The following PKIA variants were observed in gnomAD, a reference collection of about 807,000 sequenced individuals.
PKIA encodes the protein PKI-alpha.
PKIA carries 4 observed loss-of-function variants against 7.6 expected under a neutral mutation model. The ratio of observed to expected loss-of-function variants is 0.52; its 90% CI spans 0.26 to 1.20. The LOEUF (loss-of-function observed/expected upper bound fraction) is 1.20, where lower values mean the gene tolerates loss of function less well. Among genes scored for constraint, PKIA ranks in the 50% most tolerant of loss-of-function variants. The pLI is 0.13. For synonymous variants in PKIA, 21 were observed against 30.7 expected (o/e 0.68, Z 1.04); for missense variants, 73 against 86.2 (o/e 0.85, Z 0.61).
intron 2 of PKIA, among the ~76,000 whole-genome samples, chr8:78,577,567 C>T (rs1257942871): frequency 6.6e-6 from 1 of 151,804 alleles, no homozygotes; most frequent in African/African-American, 2.4e-5. Flanking sequence ...CCTAACATAA[C>T]TTTCATGACA....
At chr8:78,591,933 A>G (rs1056925179) in intron 2 of PKIA, among the ~76,000 whole-genome samples, 6 of 152,170 alleles carry the variant, frequency 3.9e-5, no homozygotes, top group African/African-American at 1.4e-4. Context: ...TGCTGCTGAC[A>G]TTTATTTGAC....
At position 78,604,946 on chromosome 8, in the gene PKIA, T is replaced by C. The variant is rs1229847929; in HGVS notation, c.*3125T>C. ...CTTGAGTCTTACTTAGATGCTGTGGTAATGCACCATTTTAGAAGATGAATG... is the reference window on the plus strand; with the variant it reads ...CTTGAGTCTTACTTAGATGCTGTGGCAATGCACCATTTTAGAAGATGAATG... On this transcript the variant is annotated 3_prime_UTR_variant, in exon 4 of 4. Coordinates refer to ENST00000396418, the MANE Select transcript of PKIA (RefSeq NM_006823.4). 5 of 152,028 alleles carry C rather than the reference T, an allele frequency of 3.3e-5. No homozygotes were observed. The highest frequency in any genetic ancestry group is 7.4e-5 in the Non-Finnish European group (5 of 67,976). The allele number at this position is 152,028 out of a possible 1,614,324, so 9.4% of individuals were successfully genotyped here.
intron 1 of PKIA, among the ~76,000 whole-genome samples, chr8:78,528,880 T>C (rs1806323435): frequency 6.6e-6 from 1 of 152,066 alleles, no homozygotes. Flanking sequence ...TTTTATTAAG[T>C]GTTATATACT....
At chr8:78,547,634 G>A (rs1287357554) in intron 1 of PKIA, among the ~76,000 whole-genome samples, 1 of 152,148 alleles carries the variant, frequency 6.6e-6, no homozygotes, top group East Asian at 1.9e-4. Context: ...AAAGACATAA[G>A]ATGAGTAGTT....
In PKIA at chr8:78,584,860, C is replaced by A. The variant is rs535836395; in HGVS notation, c.-28+11921C>A. 1.6e-4 allele frequency among the ~76,000 whole-genome samples: 24 copies of A among 152,114 alleles called. 1 individual carries two copies. Among genetic ancestry groups the A allele is most frequent in the African/African-American group, 5.8e-4 (24 of 41,546 alleles). ...CTTTTAACGTCTCAGTTCACAGAGA[C>A]CTCTTCCTCAGATGGATTGGTTTTT... On this transcript the variant is annotated intron_variant, in intron 2 of 3. Transcript: ENST00000396418.
At chr8:78,568,569 A>T (rs557314539) in intron 1 of PKIA, among the ~76,000 whole-genome samples, 16 of 152,258 alleles carry the variant, frequency 1.1e-4, no homozygotes, top group African/African-American at 3.6e-4. Context: ...CAAATAGTGA[A>T]AACTGGAAGG....
intron 1 of PKIA, among the ~76,000 whole-genome samples, chr8:78,519,443 A>T (rs1298127636): frequency 6.6e-6 from 1 of 152,154 alleles, no homozygotes. Context: ...GTCTCAAATT[A>T]AAAAATAAAA....
At chr8:78,588,564 CTA>C (rs1295484910) in intron 2 of PKIA, among the ~76,000 whole-genome samples, 2 of 152,010 alleles carry the variant, frequency 1.3e-5, no homozygotes, top group African/African-American at 4.8e-5. Context: ...TGTGAAAAGA[CTA>C]TTGCAAGAGT....
intron 1 of PKIA, among the ~76,000 whole-genome samples, chr8:78,572,537 G>GCA (rs1222539486): frequency 0.021 from 2,467 of 115,612 alleles, 83 homozygotes; most frequent in African/African-American, 0.088. Context: ...AAAAAAAGCT[G>GCA]CACGCACACA....
At chr8:78,587,024 T>G (rs1299833693) in intron 2 of PKIA, among the ~76,000 whole-genome samples, 2 of 152,194 alleles carry the variant, frequency 1.3e-5, no homozygotes, top group African/African-American at 2.4e-5. Flanking sequence ...TTGTTATTCT[T>G]ATGGTCATTA....
intron 1 of PKIA, among the ~76,000 whole-genome samples, chr8:78,521,994 T>C (rs537138799): frequency 6.6e-6 from 1 of 151,978 alleles, no homozygotes; most frequent in Non-Finnish European, 1.5e-5. Context: ...TGTCCTTTTG[T>C]CTCTAGCTTC....
chr8:78,591,288 G>A (rs1489463787), intron 2 of PKIA: 1 of 152,652 alleles, frequency 6.6e-6, no homozygotes, highest in East Asian at 1.9e-4. Flanking sequence ...GGAGACGTAA[G>A]TACATGCTTT....
intron 1 of PKIA, among the ~76,000 whole-genome samples, chr8:78,531,978 C>A (rs1806397717): frequency 6.6e-6 from 1 of 151,944 alleles, no homozygotes; most frequent in African/African-American, 2.4e-5. Context: ...TAGTAATAAC[C>A]ATAATTGTAA....
chr8:78,558,873 T>C (rs1386435825), intron 1 of PKIA, among the ~76,000 whole-genome samples: 1 of 152,178 alleles, frequency 6.6e-6, no homozygotes, highest in Non-Finnish European at 1.5e-5. Flanking sequence ...AGTTACTGGA[T>C]ATTCATATTA....
At chr8:78,554,974 T>G (rs970319614) in intron 1 of PKIA, among the ~76,000 whole-genome samples, 1 of 152,020 alleles carries the variant, frequency 6.6e-6, no homozygotes, top group Non-Finnish European at 1.5e-5. Flanking sequence ...TTTCTGATGC[T>G]CAAAGTGGAG....
rs145833283 is a variant in PKIA, at chr8:78,560,390, C to T, written c.-156-12421C>T. Reference sequence around the variant, plus strand: ...AGTAACATTTTGTACAAAAAGAAAACGTTTTTCTATTCACACCTTGAATCA... The same window carrying T: ...AGTAACATTTTGTACAAAAAGAAAATGTTTTTCTATTCACACCTTGAATCA... On this transcript the variant is annotated intron_variant, in intron 1 of 3. Coordinates refer to ENST00000396418, the MANE Select transcript of PKIA (RefSeq NM_006823.4). Among the ~76,000 whole-genome samples the T allele has an allele frequency of 1.0e-3, 155 of 152,164 alleles. 1 individual carries two copies. The highest frequency in any genetic ancestry group is 3.5e-3 in the African/African-American group (145 of 41,520).
Position 78,598,366 on chromosome 8 carries a change from A to C in PKIA, c.-19A>C. 1 of 1,600,536 alleles carries C rather than the reference A, an allele frequency of 6.2e-7. No individual in the cohort carries two copies. Among genetic ancestry groups the C allele is most frequent in the East Asian group, 2.2e-5 (1 of 44,534 alleles). On this transcript the variant is annotated 5_prime_UTR_variant, in exon 3 of 4. An upstream start codon of the reference 5' UTR is lost. Coordinates refer to ENST00000396418, the MANE Select transcript of PKIA (RefSeq NM_006823.4). ...TTTCCTTTCTTTTGTAGTCCCTGCTATGTGGATATTTGGTAGCAATGACTG... is the reference window on the plus strand; with the variant it reads ...TTTCCTTTCTTTTGTAGTCCCTGCTCTGTGGATATTTGGTAGCAATGACTG...
chr8:78,549,915 C>G (rs1806940380), intron 1 of PKIA, among the ~76,000 whole-genome samples: 1 of 151,912 alleles, frequency 6.6e-6, no homozygotes, highest in Admixed American at 6.6e-5. Context: ...GAGTTTAGAG[C>G]CATTGTAAAT....
chr8:78,572,046 T>C (rs1337094220), intron 1 of PKIA, among the ~76,000 whole-genome samples: 1 of 152,164 alleles, frequency 6.6e-6, no homozygotes, highest in East Asian at 1.9e-4. Context: ...ATAACAGGTA[T>C]GAGTATAATT....
Sources: allele counts gnomAD v4.1 joint callset (sites outside exome capture counted in the v4.1 genomes callset), GRCh38; gene constraint gnomAD v4.1.1; transcripts MANE v1.5; gene names NCBI Gene and HGNC (gene_info 2026-07-23, HGNC 2026-07-21).